ECD: variants seen among roughly 807,000 people sequenced by gnomAD.
ECD encodes ecdysoneless cell cycle regulator.
A neutral mutation model predicts 77.2 loss-of-function variants in ECD; 59 were observed. The ratio of observed to expected loss-of-function variants is 0.76; its 90% CI spans 0.62 to 0.95. The LOEUF (loss-of-function observed/expected upper bound fraction) is 0.95, where lower values mean the gene tolerates loss of function less well. ECD is among the 40% of genes least tolerant of loss of function. The pLI is 0.00. For missense variants in ECD, 704 were observed against 763.4 expected (o/e 0.92, Z 0.92); for synonymous variants, 233 against 267.4 (o/e 0.87, Z 1.26).
intron 1 of ECD, among the ~76,000 whole-genome samples, chr10:73,165,871 T>C (rs1427249937): frequency 6.6e-6 from 1 of 152,190 alleles, no homozygotes; most frequent in African/African-American, 2.4e-5. Context: ...AATTAAATTA[T>C]TATTTACTAT....
intron 7 of ECD, among the ~76,000 whole-genome samples, chr10:73,150,219 A>G (rs955924920): frequency 9.8e-5 from 15 of 152,338 alleles, no homozygotes; most frequent in African/African-American, 3.1e-4. Context: ...AAATAATGCC[A>G]CATATCTACA....
At chr10:73,141,087 T>C (rs1843050363) in intron 9 of ECD, among the ~76,000 whole-genome samples, 1 of 152,082 alleles carries the variant, frequency 6.6e-6, no homozygotes, top group Admixed American at 6.6e-5. Flanking sequence ...AATCCTGTTT[T>C]ACAGATGAGA....
At chr10:73,166,053 T>C (rs1843454271) in intron 1 of ECD, among the ~76,000 whole-genome samples, 1 of 152,206 alleles carries the variant, frequency 6.6e-6, no homozygotes, top group South Asian at 2.1e-4. Flanking sequence ...TCCTACAAAT[T>C]AGTGAGAACA....
intron 1 of ECD, among the ~76,000 whole-genome samples, chr10:73,164,811 G>T (rs1348603543): frequency 6.6e-6 from 1 of 152,164 alleles, no homozygotes; most frequent in East Asian, 1.9e-4. Context: ...TTAAAATTAC[G>T]TTAAAAGGAA....
At chr10:73,162,775 T>C (rs1163391787) in intron 2 of ECD, among the ~76,000 whole-genome samples, 4 of 152,174 alleles carry the variant, frequency 2.6e-5, no homozygotes, top group Non-Finnish European at 4.4e-5. Context: ...TAAGAAATGA[T>C]AGAACTGTAA....
chr10:73,140,117 T>C (rs1358383473), intron 9 of ECD, among the ~76,000 whole-genome samples: 4 of 152,002 alleles, frequency 2.6e-5, no homozygotes, highest in African/African-American at 9.7e-5. Context: ...CCCAAGTAGC[T>C]GAGACTACAG....
chr10:73,148,436 A>G, intron 7 of ECD, 32 bp from the exon 8 acceptor site: 1 of 1,601,968 alleles, frequency 6.2e-7, no homozygotes, highest in East Asian at 2.2e-5. Context: ...TTTGTTACTA[A>G]GTTCCTTTTT....
rs898802641 is a variant in ECD at position 73,156,259 on chromosome 10, G to A, written c.590+16C>T. 6.5e-7 allele frequency: 1 copy of A among 1,545,920 alleles called. No individual in the cohort carries two copies. Among genetic ancestry groups the A allele is most frequent in the Non-Finnish European group, 8.7e-7 (1 of 1,152,210 alleles). On this transcript the variant is annotated intron_variant, in intron 5 of 13. Transcript: ENST00000372979. Reference sequence around the variant, plus strand: ...AAAGGTTCCTTAATTAGCAATGAAAGTGATATTTTTCTTACCCTCTGATGC... The same window carrying A: ...AAAGGTTCCTTAATTAGCAATGAAAATGATATTTTTCTTACCCTCTGATGC...
rs770551780 is a variant in ECD, at chr10:73,167,992, G to C, written c.-140C>G. 20 of 309,684 alleles carry C rather than the reference G, an allele frequency of 6.5e-5. No homozygotes were observed. In the South Asian group the frequency reaches 8.2e-4, roughly 13 times the overall value. The allele number at this position is 309,684 out of a possible 1,614,324, so 19.2% of individuals were successfully genotyped here. On this transcript the variant is annotated 5_prime_UTR_variant, in exon 1 of 14. Transcript: ENST00000372979. ...TGGATCAGGCTCTGTCCCGACGCCT[G>C]ACCGGAACCTGAAGCCAGCGGAAAT...
chr10:73,160,012 C>T (rs1287531985), intron 3 of ECD, among the ~76,000 whole-genome samples: 1 of 150,798 alleles, frequency 6.6e-6, no homozygotes, highest in South Asian at 2.1e-4. Flanking sequence ...TGGCTGGGCG[C>T]GGTGGCTTAC....
intron 6 of ECD, 147 bp downstream of exon 6, chr10:73,154,109 G>A (rs1201191597): frequency 2.5e-6 from 2 of 808,332 alleles, no homozygotes; most frequent in South Asian, 2.2e-5. Context: ...ATGCTATGAA[G>A]AAACAGAATA....
At chr10:73,155,593 ACTTT>A (rs1229684883) in intron 5 of ECD, among the ~76,000 whole-genome samples, 1 of 139,986 alleles carries the variant, frequency 7.1e-6, no homozygotes, top group Non-Finnish European at 1.5e-5. Context: ...TTAGGTTTCT[ACTTT>A]TTTTTTTTTT....
chr10:73,135,884 C>G (rs970135605), intron 13 of ECD, among the ~76,000 whole-genome samples: 1 of 151,982 alleles, frequency 6.6e-6, no homozygotes, highest in Non-Finnish European at 1.5e-5. Flanking sequence ...TTAGATAAAT[C>G]TAATGTATGG....
intron 1 of ECD, among the ~76,000 whole-genome samples, chr10:73,167,417 T>A (rs1048884968): frequency 3.9e-5 from 6 of 152,186 alleles, no homozygotes; most frequent in Middle Eastern, 3.4e-3. Flanking sequence ...TTTCTAAGGG[T>A]TTTCCTAAAT....
Position 73,134,438 on chromosome 10 carries a change from G to T in ECD, c.*145C>A. On this transcript the variant is annotated 3_prime_UTR_variant, in exon 14 of 14. Transcript: ENST00000372979. ...GATCACAAAGACTTGTGCCAAGAGG[G>T]CCACATTTGGGGCTCATGGAGAAGT... The T allele has an allele frequency of 1.3e-6, 1 of 760,292 alleles. No homozygotes were observed. The highest frequency in any genetic ancestry group is 2.1e-6 in the Non-Finnish European group (1 of 479,316). 47.1% of individuals were successfully genotyped at this position (760,292 alleles called of 1,614,324 possible).
Position 73,156,225 on chromosome 10 carries a change from A to G in ECD, c.590+50T>C, listed in dbSNP as rs1843293301. On this transcript the variant is annotated intron_variant, in intron 5 of 13. Coordinates refer to ENST00000372979, the MANE Select transcript of ECD (RefSeq NM_007265.3). Reference sequence around the variant, plus strand: ...AAAAATCAAAGAAAGACTGAACTACACGAAACCAAAAGGTTCCTTAATTAG... The same window carrying G: ...AAAAATCAAAGAAAGACTGAACTACGCGAAACCAAAAGGTTCCTTAATTAG... 19 of 1,505,476 alleles carry G rather than the reference A, an allele frequency of 1.3e-5. No individual in the cohort carries two copies. In the East Asian group the frequency reaches 4.3e-4, roughly 34 times the overall value. The allele number at this position is 1,505,476 out of a possible 1,614,324, so 93.3% of individuals were successfully genotyped here.
intron 3 of ECD, among the ~76,000 whole-genome samples, chr10:73,159,961 A>G (rs1843353714): frequency 6.6e-6 from 1 of 151,412 alleles, no homozygotes; most frequent in Non-Finnish European, 1.5e-5. Context: ...TTCTTTCTCA[A>G]GAAAAGGAAG....
intron 2 of ECD, among the ~76,000 whole-genome samples, chr10:73,163,130 C>A (rs1843403082): frequency 6.6e-6 from 1 of 152,164 alleles, no homozygotes; most frequent in East Asian, 1.9e-4. Flanking sequence ...CTCTCCGCTC[C>A]CTCCTAGTTT....
At chr10:73,164,879 T>G (rs1024655668) in intron 1 of ECD, among the ~76,000 whole-genome samples, 2 of 152,242 alleles carry the variant, frequency 1.3e-5, no homozygotes, top group Admixed American at 6.5e-5. Flanking sequence ...TTAGTAAGTA[T>G]GTAAGAATAA....
Sources: gnomAD v4.1 joint callset for allele counts (sites outside exome capture counted in the v4.1 genomes callset) on GRCh38, gnomAD v4.1.1 for gene constraint, MANE v1.5 for transcripts, NCBI Gene and HGNC (gene_info 2026-07-23, HGNC 2026-07-21) for gene names.